The following PLD5 variants were observed in gnomAD, a reference collection of about 807,000 sequenced individuals.
The protein encoded by PLD5 is phospholipase D family member 5, also known as inactive phospholipase D5.
Under a neutral mutation model 61.1 loss-of-function variants are expected in PLD5, and 36 were observed. The observed-to-expected ratio is 0.59, with a 90% CI of 0.45 to 0.78. PLD5 has a LOEUF of 0.78. Ranked by LOEUF, PLD5 falls within the 30% of genes least tolerant of loss-of-function variation. PLD5 has a pLI of 0.00. For missense variants in PLD5, 515 were observed against 644.4 expected (o/e 0.80, Z 2.17); for synonymous variants, 243 against 242.8 (o/e 1.00, Z -0.01).
chr1:242,232,195 G>A (rs1472829930), intron 4 of PLD5, among the ~76,000 whole-genome samples: 1 of 152,042 alleles, frequency 6.6e-6, no homozygotes, highest in Admixed American at 6.5e-5. Context: ...CAGAATATTG[G>A]AAATGAAAAG....
chr1:242,400,179 A>T (rs1053224060), intron 1 of PLD5, among the ~76,000 whole-genome samples: 1 of 117,664 alleles, frequency 8.5e-6, no homozygotes, highest in Admixed American at 9.2e-5. Context: ...TCTCTCTCTC[A>T]AAAGAAAAGA....
intron 4 of PLD5, among the ~76,000 whole-genome samples, chr1:242,227,275 C>G (rs1337412656): frequency 2.6e-5 from 4 of 151,940 alleles, no homozygotes; most frequent in African/African-American, 9.7e-5. Context: ...GCCTTGAACT[C>G]CTGGGTTAAA....
intron 1 of PLD5, among the ~76,000 whole-genome samples, chr1:242,465,650 C>T (rs190227697): frequency 3.3e-5 from 5 of 152,352 alleles, no homozygotes; most frequent in African/African-American, 4.8e-5. Flanking sequence ...CAGGCACGGC[C>T]GGGCACAGTG....
chr1:242,238,050 AT>A (rs752510761), intron 4 of PLD5, among the ~76,000 whole-genome samples: 3 of 152,126 alleles, frequency 2.0e-5, no homozygotes, highest in Admixed American at 6.5e-5. Flanking sequence ...GAGATAAGTA[AT>A]TCTTTATATT....
chr1:242,392,648 G>A (rs1243451946), intron 1 of PLD5, among the ~76,000 whole-genome samples: 2 of 152,114 alleles, frequency 1.3e-5, no homozygotes, highest in African/African-American at 4.8e-5. Context: ...AGTGCCTCAT[G>A]GGTTTAGAGC....
intron 3 of PLD5, 37 bp from the exon 4 acceptor site, chr1:242,265,485 A>G: frequency 1.3e-6 from 2 of 1,535,708 alleles, no homozygotes; most frequent in South Asian, 2.4e-5. Context: ...AAGTCAGAAA[A>G]CCTAAATGTT....
At chr1:242,185,768 A>C (rs547971524) in intron 5 of PLD5, among the ~76,000 whole-genome samples, 95 of 151,274 alleles carry the variant, frequency 6.3e-4, no homozygotes, top group Admixed American at 1.6e-3. Flanking sequence ...CCTCTCTGCT[A>C]TTTTTTTTTA....
At chr1:242,514,145 C>T (rs1669024683) in intron 1 of PLD5, among the ~76,000 whole-genome samples, 1 of 152,158 alleles carries the variant, frequency 6.6e-6, no homozygotes, top group African/African-American at 2.4e-5. Flanking sequence ...GAATAAAGCC[C>T]AGTATCTTCC....
intron 7 of PLD5, among the ~76,000 whole-genome samples, chr1:242,108,107 A>G (rs1359261941): frequency 6.6e-6 from 1 of 152,110 alleles, no homozygotes; most frequent in Non-Finnish European, 1.5e-5. Context: ...GGACAGGCTG[A>G]CTGCCTCCAC....
chr1:242,268,680 A>G (rs1162731180), intron 3 of PLD5, among the ~76,000 whole-genome samples: 1 of 152,144 alleles, frequency 6.6e-6, no homozygotes, highest in African/African-American at 2.4e-5. Flanking sequence ...CTTAGGCTTG[A>G]GGTAGAATTT....
chr1:242,391,543 G>A (rs1348431607), intron 1 of PLD5, among the ~76,000 whole-genome samples: 3 of 124,708 alleles, frequency 2.4e-5, no homozygotes, highest in Admixed American at 1.9e-4. Flanking sequence ...ATTGTAGAAA[G>A]GTTCGCATTC....
rs375544906 is a variant in PLD5, at chr1:242,233,530, AAAGG to A, written c.608-13419_608-13416del. On this transcript the variant is annotated intron_variant, in intron 4 of 9. Transcript: ENST00000536534. Reference sequence around the variant, plus strand: ...TCAATATTGTTCCTTAAGAAAGGCTAAAGGAAGAGAGAGAGAGAGGAGTTGGAGG... The same window carrying A: ...TCAATATTGTTCCTTAAGAAAGGCTAAAGAGAGAGAGAGAGGAGTTGGAGG... Among the ~76,000 whole-genome samples, 133 of 152,098 alleles carry A rather than the reference AAAGG, an allele frequency of 8.7e-4. 1 individual carries two copies. The East Asian group carries it at 0.021, about 24-fold the overall frequency.
chr1:242,528,520 A>G (rs1438377116), upstream of PLD5, among the ~76,000 whole-genome samples: 1 of 152,170 alleles, frequency 6.6e-6, no homozygotes, highest in Non-Finnish European at 1.5e-5. Flanking sequence ...GGCACTTTGC[A>G]TTGTCATAAA....
intron 9 of PLD5, among the ~76,000 whole-genome samples, chr1:242,100,125 A>C (rs907944610): frequency 6.6e-6 from 1 of 152,242 alleles, no homozygotes; most frequent in Non-Finnish European, 1.5e-5. Flanking sequence ...CACTTCACCC[A>C]ATGAAGTAGT....
chr1:242,102,283 G>A (rs1345806469), intron 8 of PLD5, among the ~76,000 whole-genome samples: 2 of 152,220 alleles, frequency 1.3e-5, no homozygotes, highest in Non-Finnish European at 2.9e-5. Flanking sequence ...GTCAAGGATA[G>A]AGTCACAGCT....
chr1:242,346,013 T>TC (rs71176750), intron 2 of PLD5, among the ~76,000 whole-genome samples: 2,324 of 102,422 alleles, frequency 0.023, 74 homozygotes, highest in Middle Eastern at 0.047. Context: ...AGAAAAGATC[T>TC]CCCCCCCCCC....
At chr1:242,343,242 T>C (rs539168432) in intron 2 of PLD5, among the ~76,000 whole-genome samples, 73 of 151,228 alleles carry the variant, frequency 4.8e-4, no homozygotes, top group African/African-American at 1.6e-3. Flanking sequence ...ACAGAGGGAG[T>C]TTAACGATAA....
Position 242,383,714 on chromosome 1 carries a change from C to G in PLD5, c.190-35472G>C, listed in dbSNP as rs144960632. On this transcript the variant is annotated intron_variant, in intron 1 of 9. Transcript: ENST00000536534. ...AAAATCTCACCAAGACTAGAAAAAT[C>G]AAGATTCTTTAATTTGAAGACGAGG... Among the ~76,000 whole-genome samples the G allele has an allele frequency of 2.5e-3, 373 of 152,186 alleles. 4 individuals carry two copies. The East Asian group carries it at 0.04, about 16-fold the overall frequency.
chr1:242,228,959 G>T (rs550622291), intron 4 of PLD5, among the ~76,000 whole-genome samples: 10 of 152,002 alleles, frequency 6.6e-5, no homozygotes, highest in African/African-American at 2.4e-4. Flanking sequence ...CTATTCTTAC[G>T]GTATTAACCA....
Sources: allele counts gnomAD v4.1 joint callset (sites outside exome capture counted in the v4.1 genomes callset), GRCh38; gene constraint gnomAD v4.1.1; transcripts MANE v1.5; gene names NCBI Gene and HGNC (gene_info 2026-07-23, HGNC 2026-07-21).